Variants in FKBP5 observed in about 807,000 individuals in gnomAD.
The protein encoded by FKBP5 is FKBP prolyl isomerase 5.
A neutral mutation model predicts 50.5 loss-of-function variants in FKBP5; 23 were observed. The observed-to-expected ratio is 0.46, with a 90% CI of 0.33 to 0.65. The LOEUF is 0.65. FKBP5 is among the 30% of genes least tolerant of loss of function. The probability of loss-of-function intolerance (pLI) is 0.02; values close to 1 mark genes in which losing one functional copy is unlikely to be tolerated. For missense variants in FKBP5, 411 were observed against 553.1 expected, an observed-to-expected ratio of 0.74 and a Z score of 2.58; for synonymous variants, 176 against 190.6, an observed-to-expected ratio of 0.92 and a Z score of 0.63.
chr6:35,592,493 G>T lies in FKBP5; in HGVS notation c.666-1273C>A, dbSNP rs549144472. On this transcript the variant is annotated intron_variant, in intron 6 of 10. Coordinates refer to ENST00000357266, the MANE Select transcript of FKBP5 (RefSeq NM_004117.4). ...CATAATTACCAGTGACCAATTTTAA[G>T]AAGTGATGCCTAATTTTCTACTTTG... Among the ~76,000 whole-genome samples, 5 of 152,328 alleles carry T rather than the reference G, an allele frequency of 3.3e-5. No individual in the cohort carries two copies. The East Asian group carries it at 9.6e-4, about 29-fold the overall frequency.
At chr6:35,666,138 A>G (rs965752139) in intron 1 of FKBP5, among the ~76,000 whole-genome samples, 17 of 152,140 alleles carry the variant, frequency 1.1e-4, no homozygotes, top group Non-Finnish European at 1.9e-4. Context: ...AGCTACTATG[A>G]CAAGGATTCA....
chr6:35,640,477 G>C (rs1015960509), intron 2 of FKBP5, among the ~76,000 whole-genome samples: 1 of 152,158 alleles, frequency 6.6e-6, no homozygotes, highest in Non-Finnish European at 1.5e-5. Context: ...GTCAGCGAGT[G>C]AGCAGTGAGT....
At chr6:35,651,886 CT>C in intron 1 of FKBP5, 1 of 1,167,444 alleles carries the variant, frequency 8.6e-7, no homozygotes, top group Non-Finnish European at 1.1e-6. Flanking sequence ...AATAAATCCT[CT>C]TTTGCAACCC....
At chr6:35,597,204 C>G in intron 6 of FKBP5, 44 bp downstream of exon 6, 1 of 1,605,454 alleles carries the variant, frequency 6.2e-7, no homozygotes, top group Non-Finnish European at 8.5e-7. Flanking sequence ...ATATCCCTGT[C>G]CTTTAGGTGA....
At chr6:35,682,926 A>G (rs1486480420) in intron 1 of FKBP5, among the ~76,000 whole-genome samples, 2 of 151,036 alleles carry the variant, frequency 1.3e-5, no homozygotes, top group South Asian at 2.1e-4. Flanking sequence ...AAAAAGAAAA[A>G]AAAGTATATA....
chr6:35,581,051 A>G, intron 8 of FKBP5: 1 of 966,210 alleles, frequency 1.0e-6, no homozygotes, highest in Non-Finnish European at 1.2e-6. Flanking sequence ...TCTAGACAGT[A>G]TGTAAATCAA....
At chr6:35,606,517 G>A (rs933860431) in intron 5 of FKBP5, among the ~76,000 whole-genome samples, 2 of 151,650 alleles carry the variant, frequency 1.3e-5, no homozygotes, top group African/African-American at 4.8e-5. Context: ...AAAATTAGCC[G>A]GGCGTGGTGG....
Position 35,614,549 on chromosome 6 carries a change from T to G in FKBP5, c.508+4547A>C, listed in dbSNP as rs142754208. On this transcript the variant is annotated intron_variant, in intron 5 of 10. Transcript: ENST00000357266. ...GTGAGGAAGAAAGAAGTTACCTCAG[T>G]TGGAAAGCAAGTGTTTTGAATATAC... is the stretch of plus-strand genomic sequence containing the variant. Among the ~76,000 whole-genome samples, 185 of 152,176 alleles carry G rather than the reference T, an allele frequency of 1.2e-3. 2 individuals carry two copies. The East Asian group carries it at 0.028, about 23-fold the overall frequency.
In FKBP5 at chr6:35,716,360, C is replaced by T. The variant is rs528320492; in HGVS notation, c.-20+3968G>A. Reference sequence around the variant, plus strand: ...CGCACTCGTCTAGGCAACAGAAATCCTGACTCTAAAATAAAAACAAAATAG... The same window carrying T: ...CGCACTCGTCTAGGCAACAGAAATCTTGACTCTAAAATAAAAACAAAATAG... On this transcript the variant is annotated intron_variant, in intron 2 of 11. Coordinates refer to the FKBP5 transcript ENST00000536438. Among the ~76,000 whole-genome samples the T allele has an allele frequency of 1.2e-3, 175 of 152,160 alleles. 2 individuals are homozygous for T. The highest frequency in any genetic ancestry group is 6.1e-3 in the Admixed American group (93 of 15,282).
At chr6:35,589,797 T>A (rs1395455827) in intron 7 of FKBP5, among the ~76,000 whole-genome samples, 1 of 152,216 alleles carries the variant, frequency 6.6e-6, no homozygotes, top group Non-Finnish European at 1.5e-5. Context: ...AGAGGTTACA[T>A]GACAACAATC....
chr6:35,714,853 A>T (rs2151022938), intron 2 of FKBP5, among the ~76,000 whole-genome samples: 1 of 152,264 alleles, frequency 6.6e-6, no homozygotes, highest in South Asian at 2.1e-4. Context: ...TAAAAATAAA[A>T]TAGGTTTAGC....
At chr6:35,689,199 C>G (rs1765933540), upstream of FKBP5, among the ~76,000 whole-genome samples, 1 of 152,196 alleles carries the variant, frequency 6.6e-6, no homozygotes, top group Non-Finnish European at 1.5e-5. Flanking sequence ...ACTGACACCC[C>G]CTCACATCTC....
intron 7 of FKBP5, among the ~76,000 whole-genome samples, chr6:35,590,007 G>A (rs1561847019): frequency 6.6e-6 from 1 of 152,126 alleles, no homozygotes; most frequent in Non-Finnish European, 1.5e-5. Flanking sequence ...ATATTAATGT[G>A]CTTAATGTGG....
intron 1 of FKBP5, among the ~76,000 whole-genome samples, chr6:35,650,881 T>C (rs1581852933): frequency 2.0e-5 from 3 of 152,326 alleles, no homozygotes; most frequent in African/African-American, 7.2e-5. Flanking sequence ...GAGCACTGGA[T>C]TACAATTATG....
At chr6:35,662,554 G>A (rs896890358) in intron 1 of FKBP5, among the ~76,000 whole-genome samples, 10 of 152,024 alleles carry the variant, frequency 6.6e-5, no homozygotes, top group Admixed American at 3.3e-4. Flanking sequence ...AAAGTGCTGG[G>A]ATTACAGATG....
chr6:35,615,124 A>AAAC lies in FKBP5; in HGVS notation c.508+3969_508+3971dup, dbSNP rs534273489. Among the ~76,000 whole-genome samples, 797 of 148,288 alleles carry AAAC rather than the reference A, an allele frequency of 5.4e-3. 6 individuals carry two copies. Among genetic ancestry groups the AAAC allele is most frequent in the South Asian group, 0.011 (51 of 4,672 alleles). ...GGGCGACAGAGTGAGACTCTGTCGC[A>AAAC]AACAACAACAACAACAACAACAACA... On this transcript the variant is annotated intron_variant, in intron 5 of 10. Coordinates refer to ENST00000357266, the MANE Select transcript of FKBP5 (RefSeq NM_004117.4).
chr6:35,686,644 T>C (rs1438916260), intron 1 of FKBP5, among the ~76,000 whole-genome samples: 1 of 152,186 alleles, frequency 6.6e-6, no homozygotes, highest in African/African-American at 2.4e-5. Context: ...AAAGCCAACT[T>C]AGCTTTTAAC....
intron 3 of FKBP5, among the ~76,000 whole-genome samples, chr6:35,621,961 A>G (rs574275501): frequency 6.6e-6 from 1 of 152,336 alleles, no homozygotes; most frequent in South Asian, 2.1e-4. Flanking sequence ...CCTGGGCAGC[A>G]GAGTGGAGAC....
chr6:35,681,113 A>C (rs900021614), intron 1 of FKBP5, among the ~76,000 whole-genome samples: 14 of 152,194 alleles, frequency 9.2e-5, no homozygotes. Context: ...GAGGTATTTC[A>C]TGTTTTTTAG....
Sources: gnomAD v4.1 joint callset for allele counts (sites outside exome capture counted in the v4.1 genomes callset) on GRCh38, gnomAD v4.1.1 for gene constraint, MANE v1.5 for transcripts, NCBI Gene and HGNC (gene_info 2026-07-23, HGNC 2026-07-21) for gene names.